IGSF9: variants seen among roughly 807,000 people sequenced by gnomAD.
IGSF9 encodes protein turtle homolog A.
In IGSF9, 87 loss-of-function variants were observed where a neutral mutation model predicts 121.7. The ratio of observed to expected loss-of-function variants is 0.71; its 90% CI spans 0.60 to 0.85. The LOEUF (loss-of-function observed/expected upper bound fraction) is 0.85. Among genes scored for constraint, IGSF9 ranks in the 40% least tolerant of loss-of-function variants. IGSF9 has a pLI of 0.00. For missense variants in IGSF9, 1,462 were observed against 1,565.3 expected (o/e 0.93, Z 1.11); for synonymous variants, 640 against 648.4 (o/e 0.99, Z 0.20).
Position 159,931,418 on chromosome 1 carries a change from T to G in IGSF9, c.1513+35A>C. 1 of 1,603,362 alleles carries G rather than the reference T, an allele frequency of 6.2e-7. No homozygotes were observed. The highest frequency in any genetic ancestry group is 8.5e-7 in the Non-Finnish European group (1 of 1,172,184). On this transcript the variant is annotated intron_variant, in intron 12 of 20. Coordinates refer to ENST00000368094, the MANE Select transcript of IGSF9 (RefSeq NM_001135050.2). The surrounding 1 kb of genome is among the most constrained non-coding windows in gnomAD (Gnocchi z 4.8). ...CTCCAAAAACGATTCCCAAGTAGTT[T>G]CTCCCAGCCCCTGGCCCTCTCTCCA...
intron 5 of IGSF9, 51 bp downstream of exon 5, chr1:159,936,703 A>T (rs2101880107): frequency 6.3e-7 from 1 of 1,597,370 alleles, no homozygotes; most frequent in Non-Finnish European, 8.6e-7. Flanking sequence ...CCAGGCCCCC[A>T]CCTTCCCTTC....
At chr1:159,944,358 G>A (rs1350505627) in intron 1 of IGSF9, among the ~76,000 whole-genome samples, 5 of 152,164 alleles carry the variant, frequency 3.3e-5, no homozygotes, top group Non-Finnish European at 7.4e-5. Flanking sequence ...CCACCTGCCA[G>A]TATGGGGGAT....
chr1:159,936,948 T>A (rs1226006602), intron 4 of IGSF9, 40 bp from the exon 5 acceptor site: 1 of 1,607,076 alleles, frequency 6.2e-7, no homozygotes, highest in African/African-American at 1.3e-5. Context: ...AGTGGGGCTG[T>A]CAGCCCAAAA....
intron 9 of IGSF9, 44 bp downstream of exon 9, chr1:159,934,146 T>C (rs1277744261): frequency 6.3e-7 from 1 of 1,580,302 alleles, no homozygotes; most frequent in Non-Finnish European, 8.6e-7. Context: ...CTGAGCAGAA[T>C]AACGCCAAGC....
At chr1:159,939,775 C>G (rs368363517) in intron 3 of IGSF9, among the ~76,000 whole-genome samples, 4 of 152,112 alleles carry the variant, frequency 2.6e-5, no homozygotes, top group African/African-American at 4.8e-5. Context: ...AGAATGAGTT[C>G]CAGGGTGTGG....
chr1:159,944,690 C>T (rs1302313364), intron 1 of IGSF9, among the ~76,000 whole-genome samples: 2 of 152,160 alleles, frequency 1.3e-5, no homozygotes, highest in African/African-American at 4.8e-5. Context: ...GGGTCCATGC[C>T]AGGGCCTGGC....
intron 19 of IGSF9, 61 bp downstream of exon 19, chr1:159,928,097 G>T (rs1650810218): frequency 6.4e-7 from 1 of 1,567,624 alleles, no homozygotes; most frequent in Non-Finnish European, 8.6e-7. Flanking sequence ...TATTGGGAGA[G>T]GGGTGAGAGG....
chr1:159,936,614 CG>C, intron 5 of IGSF9, 98 bp from the exon 6 acceptor site: 1 of 1,522,260 alleles, frequency 6.6e-7, no homozygotes, highest in Admixed American at 1.8e-5. Flanking sequence ...ACCCCAGGCT[CG>C]GGGCAAACAA....
In IGSF9 at chr1:159,927,518, T is replaced by G; in HGVS notation, c.3367A>C (p.Thr1123Pro). The change falls in exon 21 of 21, where the codon ACT (threonine) becomes CCT (proline). Residue 1123 changes from threonine to proline, a missense_variant. Physicochemically the swap from Thr to Pro is conservative, Grantham distance 38. Transcript: ENST00000368094. ...PEAEPELGVKTPEEGCLLNTA... is the reference protein window; with the variant it reads ...PEAEPELGVKPPEEGCLLNTA... ...TTCAGGAGGCAGCCCTCCTCTGGAG[T>G]CTTCACACCTGCAAGAGGCGGGCAG... 1 of 1,611,096 alleles carries G rather than the reference T, an allele frequency of 6.2e-7. No individual in the cohort carries two copies. The highest frequency in any genetic ancestry group is 8.5e-7 in the Non-Finnish European group (1 of 1,177,856).
chr1:159,934,546 G>A lies in IGSF9; in HGVS notation c.840C>T (p.Ile280=), dbSNP rs1284549393. Residue 280 remains isoleucine (I), a synonymous_variant, in exon 8 of 21, where the codon ATC becomes ATT. Transcript: ENST00000368094. ...GCAGCCGCAGGCTCCCGTCCACCAG[G>A]ATCCGCACCCGGGGCTGCAGGCGGC... ...HISRLQPRVR[I]LVDGSLRLLA... is the part of the protein sequence containing the mutation. 14 of 1,613,810 alleles carry A rather than the reference G, an allele frequency of 8.7e-6. No homozygotes were observed. Among genetic ancestry groups the A allele is most frequent in the Non-Finnish European group, 1.1e-5 (13 of 1,179,894 alleles).
chr1:159,928,539 G>T lies in IGSF9; in HGVS notation c.2849C>A (p.Ala950Asp). 1 of 1,551,580 alleles carries T rather than the reference G, an allele frequency of 6.4e-7. No homozygotes were observed. The highest frequency in any genetic ancestry group is 8.7e-7 in the Non-Finnish European group (1 of 1,147,828). The change falls in exon 19 of 21, where the codon GCT becomes GAT. Residue 950 changes from alanine to aspartate, a missense_variant. Ala to Asp is a moderately radical substitution (Grantham distance 126). Transcript: ENST00000368094. ...GGTATCCATGTAATCTGGGGGTGCA[G>T]CAGGGCTGGGCTCCTCAAGCGGGGG... Reference protein sequence around the residue: ...DWPPLEEPSPAAPPDYMDTRR... With the variant: ...DWPPLEEPSPDAPPDYMDTRR...
In IGSF9 at chr1:159,934,794, C is replaced by T; in HGVS notation, c.702G>A (p.Lys234=). The T allele has an allele frequency of 6.2e-7, 1 of 1,614,140 alleles. No individual in the cohort carries two copies. Residue 234 remains lysine, a synonymous_variant, in exon 7 of 21, where the codon AAG becomes AAA. Transcript: ENST00000368094. ...CCTGGGAGGCATTGACTGTGCTGTT[C>T]TTGGGGGGCACCACGATGACTGGGG... is the stretch of plus-strand genomic sequence containing the variant. ...LGPPVIVVPP[K]NSTVNASQDV...
chr1:159,927,584 T>C (rs907655758), intron 20 of IGSF9, 58 bp from the exon 21 acceptor site: 9 of 1,578,598 alleles, frequency 5.7e-6, no homozygotes, highest in Non-Finnish European at 7.8e-6. Context: ...AGTGAAGAGC[T>C]CAGATGTGAA....
At position 159,930,080 on chromosome 1, in the gene IGSF9, C is replaced by G; in HGVS notation, c.2065-105G>C. 3 of 1,547,858 alleles carry G rather than the reference C, an allele frequency of 1.9e-6. No individual in the cohort carries two copies. In the South Asian group the frequency reaches 3.6e-5, roughly 18 times the overall value. ...CGTGGGACGGAAGGGTGAGGTAGGA[C>G]GCAGAGGTGAAGAGCTCAAATCAAG... On this transcript the variant is annotated intron_variant, in intron 15 of 20. Coordinates refer to ENST00000368094, the MANE Select transcript of IGSF9 (RefSeq NM_001135050.2).
Position 159,930,445 on chromosome 1 carries a change from TG to T in IGSF9, c.1814-7del. On this transcript the variant is annotated splice_region_variant and splice_polypyrimidine_tract_variant and intron_variant, in intron 14 of 20. Transcript: ENST00000368094. ...AGCTGGCGTGGTAGGAAGCCCTGCG[TG>T]GGACAGAAAGGCAGGTCAGAGCAAG... is the stretch of plus-strand genomic sequence containing the variant. 6.5e-7 allele frequency: 1 copy of T among 1,529,588 alleles called. No homozygotes were observed. Among genetic ancestry groups the T allele is most frequent in the Non-Finnish European group, 8.8e-7 (1 of 1,140,488 alleles). The allele number at this position is 1,529,588 out of a possible 1,614,324, so 94.8% of individuals were successfully genotyped here. A position where few individuals can be genotyped will look rare whatever the true frequency, so the allele number is the denominator to read the frequency against.
chr1:159,941,062 G>A (rs1394826167), intron 3 of IGSF9, among the ~76,000 whole-genome samples: 1 of 152,032 alleles, frequency 6.6e-6, no homozygotes, highest in African/African-American at 2.4e-5. Context: ...GTTTTATATT[G>A]CTTTCACTCC....
Position 159,928,799 on chromosome 1 carries a change from C to T in IGSF9, c.2589G>A (p.Gln863=). ...FVMGPTVAAP[Q]ERSGREQAEP... is the part of the protein sequence containing the mutation. ...CTGCCTGCTCCCGGCCTGACCTTTC[C>T]TGGGGGGCCGCCACAGTGGGCCCCA... Residue 863 remains glutamine (Q), a synonymous_variant, in exon 19 of 21, where the codon CAG becomes CAA. Transcript: ENST00000368094. 6.7e-7 allele frequency: 1 copy of T among 1,492,256 alleles called. No individual in the cohort carries two copies. The highest frequency in any genetic ancestry group is 1.3e-5 in the South Asian group (1 of 74,598). The allele number at this position is 1,492,256 out of a possible 1,614,324, so 92.4% of individuals were successfully genotyped here.
intron 9 of IGSF9, chr1:159,933,834 C>T: frequency 3.1e-6 from 1 of 321,372 alleles, no homozygotes; most frequent in South Asian, 2.8e-5. Flanking sequence ...CCTCAACCCA[C>T]TACCCCACAC....
In IGSF9 at chr1:159,930,407, G is replaced by A. The variant is rs746087893; in HGVS notation, c.1846C>T (p.Pro616Ser). 1 of 1,553,342 alleles carries A rather than the reference G, an allele frequency of 6.4e-7. No individual in the cohort carries two copies. The highest frequency in any genetic ancestry group is 2.0e-5 in the Admixed American group (1 of 51,160). The change falls in exon 15 of 21, where the codon CCC becomes TCC. Residue 616 changes from proline to serine, a missense_variant. Physicochemically the swap from Pro to Ser is moderately conservative, Grantham distance 74 (BLOSUM62 -1). This residue lies in a region of IGSF9 where 808 missense variants were observed against 815.2 expected (regional missense o/e 0.99). Transcript: ENST00000368094. ...LPTTPAAPGL[P>S]PTEIPPPLSP... ...AGGGGAGGCGGTATCTCTGTTGGGG[G>A]AAGCCCGGGTGCAGCTGGCGTGGTA...
Sources: allele counts gnomAD v4.1 joint callset (sites outside exome capture counted in the v4.1 genomes callset), GRCh38; gene constraint gnomAD v4.1.1; regional missense constraint gnomAD v4.1.1; non-coding constraint Gnocchi (gnomAD v3.1); transcripts MANE v1.5; gene names NCBI Gene and HGNC (gene_info 2026-07-23, HGNC 2026-07-21).